MTUS1: variants seen among roughly 807,000 people sequenced by gnomAD.
The protein encoded by MTUS1 is microtubule-associated tumor suppressor 1.
MTUS1 carries 109 observed loss-of-function variants against 120.8 expected under a neutral mutation model. The observed-to-expected ratio is 0.90, with a 90% CI of 0.77 to 1.06. The LOEUF (loss-of-function observed/expected upper bound fraction) is 1.06, where lower values mean the gene tolerates loss of function less well. Ranked by LOEUF, MTUS1 falls within the 50% of genes least tolerant of loss-of-function variation. The probability of loss-of-function intolerance (pLI) is 0.00; values close to 1 mark genes in which losing one functional copy is unlikely to be tolerated. For synonymous variants in MTUS1, 737 were observed against 550.5 expected, an observed-to-expected ratio of 1.34 and a Z score of -4.74; for missense variants, 2,210 against 1,486.3, an observed-to-expected ratio of 1.49 and a Z score of -8.01.
chr8:17,743,489 T>A lies in MTUS1; in HGVS notation c.2287+115A>T, dbSNP rs1313997795. 4 of 960,170 alleles carry A rather than the reference T, an allele frequency of 4.2e-6. No homozygotes were observed. In the East Asian group the frequency reaches 7.6e-5, roughly 18 times the overall value. The allele number at this position is 960,170 out of a possible 1,614,324, so 59.5% of individuals were successfully genotyped here. ...CTTTTTCTACCTCCTGTGCTCAGGATGCTGATCCACAAAAGGCTAACTGCT... is the reference window on the plus strand; with the variant it reads ...CTTTTTCTACCTCCTGTGCTCAGGAAGCTGATCCACAAAAGGCTAACTGCT... On this transcript the variant is annotated intron_variant, in intron 3 of 14. Transcript: ENST00000693296.
chr8:17,695,709 A>G (rs576505555), intron 6 of MTUS1, among the ~76,000 whole-genome samples: 4 of 152,300 alleles, frequency 2.6e-5, no homozygotes, highest in African/African-American at 9.6e-5. Flanking sequence ...ATTTTTTTTA[A>G]TGAGGTAGAT....
At chr8:17,699,278 C>T (rs765615200) in intron 6 of MTUS1, among the ~76,000 whole-genome samples, 2 of 152,126 alleles carry the variant, frequency 1.3e-5, no homozygotes, top group Non-Finnish European at 2.9e-5. Flanking sequence ...AGTGTAATGG[C>T]GCAGTCTCTG....
chr8:17,654,451 G>A (rs1293668042), intron 10 of MTUS1, 110 bp downstream of exon 10: 1 of 768,258 alleles, frequency 1.3e-6, no homozygotes, highest in African/African-American at 1.8e-5. Flanking sequence ...CCAGCCTGAA[G>A]GCCACAGGGC....
chr8:17,670,634 C>A (rs1377301767), intron 8 of MTUS1, among the ~76,000 whole-genome samples: 1 of 152,072 alleles, frequency 6.6e-6, no homozygotes, highest in East Asian at 1.9e-4. Context: ...ACCAGCCTGA[C>A]CAATATGGTG....
intron 6 of MTUS1, among the ~76,000 whole-genome samples, chr8:17,699,935 T>TA (rs1818708798): frequency 6.6e-6 from 1 of 152,154 alleles, no homozygotes; most frequent in Non-Finnish European, 1.5e-5. Flanking sequence ...GGAGCCAAGA[T>TA]AAAAAATTGG....
At chr8:17,789,625 C>A (rs534123472) in intron 1 of MTUS1, among the ~76,000 whole-genome samples, 1 of 152,282 alleles carries the variant, frequency 6.6e-6, no homozygotes, top group South Asian at 2.1e-4. Flanking sequence ...AAGTTGGCAC[C>A]TCACCTTATA....
intron 1 of MTUS1, among the ~76,000 whole-genome samples, chr8:17,756,719 T>C (rs1176320594): frequency 7.8e-6 from 1 of 127,534 alleles, no homozygotes; most frequent in Admixed American, 9.2e-5. Context: ...TTTAAGGAGG[T>C]GATTAAGGTT....
intron 2 of MTUS1, among the ~76,000 whole-genome samples, chr8:17,747,615 G>T (rs1373727076): frequency 1.3e-5 from 2 of 152,132 alleles, no homozygotes; most frequent in Non-Finnish European, 1.5e-5. Flanking sequence ...TCTGAATAAT[G>T]TCTTTTTACC....
At chr8:17,699,713 C>G (rs1230655094) in intron 6 of MTUS1, among the ~76,000 whole-genome samples, 3 of 152,192 alleles carry the variant, frequency 2.0e-5, no homozygotes, top group South Asian at 2.1e-4. Context: ...AAATTCAGTT[C>G]TTTCCCAAAC....
intron 1 of MTUS1, among the ~76,000 whole-genome samples, chr8:17,787,393 C>G (rs1441373324): frequency 6.6e-6 from 1 of 152,134 alleles, no homozygotes. Context: ...AAGTTGAGTA[C>G]CTTGCTCAAA....
chr8:17,683,870 C>G (rs956715580), intron 7 of MTUS1, among the ~76,000 whole-genome samples: 1 of 152,128 alleles, frequency 6.6e-6, no homozygotes, highest in African/African-American at 2.4e-5. Flanking sequence ...TAGGAATAAA[C>G]AGAACTTTCA....
chr8:17,677,278 G>A (rs1027011121), intron 7 of MTUS1, among the ~76,000 whole-genome samples: 1 of 152,098 alleles, frequency 6.6e-6, no homozygotes, highest in Admixed American at 6.6e-5. Flanking sequence ...ATTTTGTTTA[G>A]TAATCTACTT....
intron 12 of MTUS1, among the ~76,000 whole-genome samples, chr8:17,652,174 T>C (rs1289070890): frequency 6.6e-6 from 1 of 152,028 alleles, no homozygotes; most frequent in South Asian, 2.1e-4. Flanking sequence ...AGGAAACAAA[T>C]TTTTTTCAAA....
chr8:17,720,542 A>G (rs1425087295), intron 4 of MTUS1, among the ~76,000 whole-genome samples: 5 of 151,994 alleles, frequency 3.3e-5, no homozygotes, highest in Admixed American at 1.3e-4. Context: ...CACCTCTTAC[A>G]TTTCCCCTAC....
intron 3 of MTUS1, among the ~76,000 whole-genome samples, chr8:17,732,660 A>T (rs1340678438): frequency 6.6e-6 from 1 of 152,078 alleles, no homozygotes; most frequent in Non-Finnish European, 1.5e-5. Flanking sequence ...AATCATTTCT[A>T]TGTAACTGAG....
chr8:17,702,015 C>T (rs913021022), intron 6 of MTUS1, among the ~76,000 whole-genome samples: 1 of 152,146 alleles, frequency 6.6e-6, no homozygotes, highest in African/African-American at 2.4e-5. Flanking sequence ...TCAAAAATGT[C>T]TTTAAAATGT....
At chr8:17,801,116 G>A (rs971391569), upstream of MTUS1, among the ~76,000 whole-genome samples, 1 of 151,670 alleles carries the variant, frequency 6.6e-6, no homozygotes, top group Non-Finnish European at 1.5e-5. Flanking sequence ...GAGGGCTGGC[G>A]CCCTTTGCAC....
At chr8:17,792,200 C>T (rs1347297616) in intron 1 of MTUS1, among the ~76,000 whole-genome samples, 2 of 152,064 alleles carry the variant, frequency 1.3e-5, no homozygotes, top group Non-Finnish European at 2.9e-5. Context: ...TGGTGAAATA[C>T]CTCTATTTAT....
intron 6 of MTUS1, among the ~76,000 whole-genome samples, chr8:17,712,917 A>G (rs555925015): frequency 6.6e-6 from 1 of 152,360 alleles, no homozygotes; most frequent in South Asian, 2.1e-4. Context: ...CCAATTTCAA[A>G]ATAGCATTGA....
Sources: gnomAD v4.1 joint callset for allele counts (sites outside exome capture counted in the v4.1 genomes callset) on GRCh38, gnomAD v4.1.1 for gene constraint, MANE v1.5 for transcripts, NCBI Gene and HGNC (gene_info 2026-07-23, HGNC 2026-07-21) for gene names.